Variants in HAO1 observed in about 807,000 individuals in gnomAD.
HAO1 encodes 2-Hydroxyacid oxidase 1.
In HAO1, 34 loss-of-function variants were observed where a neutral mutation model predicts 39.7. The ratio of observed to expected loss-of-function variants is 0.86; its 90% confidence interval spans 0.65 to 1.14. The LOEUF is 1.14. HAO1 is among the 50% of genes most tolerant of loss of function. The probability of loss-of-function intolerance (pLI) is 0.00; values close to 1 mark genes in which losing one functional copy is unlikely to be tolerated. For missense variants in HAO1, 479 were observed against 464.5 expected, an observed-to-expected ratio of 1.03 and a Z score of -0.29; for synonymous variants, 172 against 173.2, an observed-to-expected ratio of 0.99 and a Z score of 0.05.
At chr20:7,913,026 A>G (rs1412656007) in intron 3 of HAO1, among the ~76,000 whole-genome samples, 1 of 152,254 alleles carries the variant, frequency 6.6e-6, no homozygotes, top group Non-Finnish European at 1.5e-5. Context: ...ACAGTCACTG[A>G]AATAGATATG....
chr20:7,907,974 A>G (rs762749357), intron 3 of HAO1, among the ~76,000 whole-genome samples: 1 of 152,106 alleles, frequency 6.6e-6, no homozygotes, highest in Non-Finnish European at 1.5e-5. Flanking sequence ...CTGCCAGTCA[A>G]TCTCCCTTTT....
At position 7,890,947 on chromosome 20, in the gene HAO1, T is replaced by C; in HGVS notation, c.813+4186A>G. On this transcript the variant is annotated intron_variant, in intron 5 of 7. Coordinates refer to ENST00000378789, the MANE Select transcript of HAO1 (RefSeq NM_017545.3). ...CACGGTTTCTTTGTCCACTCATTGA[T>C]TGATGGGCTTTTGGGTTGGTTCCAC... Among the ~76,000 whole-genome samples the C allele has an allele frequency of 1.3e-5, 2 of 152,236 alleles. 1 individual carries two copies. The highest frequency in any genetic ancestry group is 2.9e-5 in the Non-Finnish European group (2 of 68,040).
chr20:7,916,076 G>A (rs1250355944), intron 2 of HAO1, among the ~76,000 whole-genome samples: 2 of 152,066 alleles, frequency 1.3e-5, no homozygotes, highest in Non-Finnish European at 2.9e-5. Flanking sequence ...CAAGAAACGG[G>A]CAAATAAATG....
chr20:7,894,309 G>A (rs577639273), intron 5 of HAO1, among the ~76,000 whole-genome samples: 6 of 152,128 alleles, frequency 3.9e-5, no homozygotes, highest in East Asian at 1.9e-4. Context: ...ATTGCTCTTC[G>A]ATACAGTTGT....
chr20:7,890,437 C>A (rs2050169252), intron 5 of HAO1, among the ~76,000 whole-genome samples: 2 of 152,176 alleles, frequency 1.3e-5, no homozygotes, highest in South Asian at 4.1e-4. Context: ...TGGTCTCGAA[C>A]TCCTGACCTC....
chr20:7,936,548 T>TGTGTGTGTGTGTGTGCG (rs1555775557), intron 1 of HAO1, among the ~76,000 whole-genome samples: 1 of 50,722 alleles, frequency 2.0e-5, no homozygotes, highest in Non-Finnish European at 4.6e-5. Context: ...GTGTGTGTGT[T>TGTGTGTGTGTGTGTGCG]CGCGCGCGCG....
Position 7,933,681 on chromosome 20 carries a change from C to T in HAO1, c.289+803G>A, listed in dbSNP as rs115653160. ...AAAATGTTTTAAAATATTATATAGTCGTGTTCTTTTTCTGCTCTGCTTAGC... is the reference window on the plus strand; with the variant it reads ...AAAATGTTTTAAAATATTATATAGTTGTGTTCTTTTTCTGCTCTGCTTAGC... On this transcript the variant is annotated intron_variant, in intron 2 of 7. Coordinates refer to ENST00000378789, the MANE Select transcript of HAO1 (RefSeq NM_017545.3). Among the ~76,000 whole-genome samples, 397 of 152,318 alleles carry T rather than the reference C, an allele frequency of 2.6e-3. 5 individuals are homozygous for T. The highest frequency in any genetic ancestry group is 9.0e-3 in the African/African-American group (372 of 41,560).
At chr20:7,905,473 CTATA>C (rs2050243240) in intron 4 of HAO1, among the ~76,000 whole-genome samples, 1 of 152,172 alleles carries the variant, frequency 6.6e-6, no homozygotes. Flanking sequence ...TGGCAGTTAT[CTATA>C]TAACCAAAGG....
intron 4 of HAO1, among the ~76,000 whole-genome samples, chr20:7,903,127 C>A (rs1467235189): frequency 6.6e-6 from 1 of 152,186 alleles, no homozygotes; most frequent in Non-Finnish European, 1.5e-5. Context: ...CCCTTCCGAT[C>A]CAGATTGAGC....
In HAO1 at chr20:7,895,207, C is replaced by G. The variant is rs1043852190; in HGVS notation, c.739G>C (p.Ala247Pro). 6.2e-7 allele frequency: 1 copy of G among 1,609,758 alleles called. No individual in the cohort carries two copies. The highest frequency in any genetic ancestry group is 1.3e-5 in the African/African-American group (1 of 74,818). The stretch of plus-strand genomic sequence containing the variant: ...ATCCCATTCAAGCCATGTTTAACAG[C>G]CTCCCTGGCATCATCACCTGGAGAG... The part of the protein sequence containing the change: ...GILRGDDARE[A>P]VKHGLNGILV... The change falls in exon 5 of 8, where the codon GCT (alanine) becomes CCT (proline). Residue 247 changes from alanine to proline, a missense_variant. Coordinates refer to ENST00000378789, the MANE Select transcript of HAO1 (RefSeq NM_017545.3).
chr20:7,907,771 T>C (rs926238283), intron 3 of HAO1, among the ~76,000 whole-genome samples: 4 of 152,180 alleles, frequency 2.6e-5, no homozygotes, highest in African/African-American at 9.7e-5. Flanking sequence ...TTCCCCACTC[T>C]AGGGGCAATG....
chr20:7,938,906 A>G (rs2122806360), intron 1 of HAO1, among the ~76,000 whole-genome samples: 1 of 152,296 alleles, frequency 6.6e-6, no homozygotes, highest in South Asian at 2.1e-4. Context: ...CTGTATACAA[A>G]TGAAATAAAT....
chr20:7,891,262 T>C lies in HAO1; in HGVS notation c.813+3871A>G, dbSNP rs2050173069. ...CTTTCAGGAGTAAGGTGGTATCACA[T>C]TGTGGTTTTGATTTGCATTTCCCTG... On this transcript the variant is annotated intron_variant, in intron 5 of 7. Coordinates refer to ENST00000378789, the MANE Select transcript of HAO1 (RefSeq NM_017545.3). Among the ~76,000 whole-genome samples, 3 of 152,304 alleles carry C rather than the reference T, an allele frequency of 2.0e-5. No individual in the cohort carries two copies. In the South Asian group the frequency reaches 6.2e-4, roughly 32 times the overall value.
intron 5 of HAO1, among the ~76,000 whole-genome samples, chr20:7,890,018 C>T (rs1417862645): frequency 1.3e-5 from 2 of 152,064 alleles, no homozygotes; most frequent in Admixed American, 1.3e-4. Context: ...CACAGCCTCC[C>T]CCAAGACCTT....
chr20:7,900,889 A>T (rs778629072), intron 4 of HAO1, among the ~76,000 whole-genome samples: 9 of 152,204 alleles, frequency 5.9e-5, no homozygotes, highest in Non-Finnish European at 5.9e-5. Context: ...GAATGCAAAC[A>T]AAAAGTTCTT....
chr20:7,895,798 A>G (rs567201097), intron 4 of HAO1, among the ~76,000 whole-genome samples: 1 of 152,340 alleles, frequency 6.6e-6, no homozygotes, highest in African/African-American at 2.4e-5. Flanking sequence ...CTGTAATCAC[A>G]GCACTTTGGG....
intron 4 of HAO1, among the ~76,000 whole-genome samples, chr20:7,905,838 G>A (rs2050245126): frequency 6.6e-6 from 1 of 152,182 alleles, no homozygotes; most frequent in South Asian, 2.1e-4. Context: ...TTCAGGTAAA[G>A]CAATGAACTC....
intron 1 of HAO1, among the ~76,000 whole-genome samples, chr20:7,935,544 T>C (rs2050406260): frequency 6.6e-6 from 1 of 152,236 alleles, no homozygotes; most frequent in Non-Finnish European, 1.5e-5. Flanking sequence ...TTCATTAAAG[T>C]CTAATGATGA....
chr20:7,917,086 TC>T (rs1330159362), intron 2 of HAO1, among the ~76,000 whole-genome samples: 1 of 152,092 alleles, frequency 6.6e-6, no homozygotes, highest in Non-Finnish European at 1.5e-5. Flanking sequence ...TCATCTGTAA[TC>T]CCAGCACTTT....
Sources: gnomAD v4.1 joint callset for allele counts (sites outside exome capture counted in the v4.1 genomes callset) on GRCh38, gnomAD v4.1.1 for gene constraint, MANE v1.5 for transcripts, NCBI Gene and HGNC (gene_info 2026-07-23, HGNC 2026-07-21) for gene names.